The following CYP39A1 variants were observed in gnomAD, a reference collection of about 807,000 sequenced individuals.
CYP39A1 encodes 24-hydroxycholesterol 7-alpha-hydroxylase.
CYP39A1 carries 49 observed loss-of-function variants against 58.1 expected under a neutral mutation model. The ratio of observed to expected loss-of-function variants is 0.84; its 90% confidence interval spans 0.67 to 1.07. CYP39A1 has a LOEUF of 1.07. CYP39A1 is among the 50% of genes least tolerant of loss of function. The probability of loss-of-function intolerance (pLI) is 0.00; values close to 1 mark genes in which losing one functional copy is unlikely to be tolerated. For missense variants in CYP39A1, 531 were observed against 539.4 expected (o/e 0.98, Z 0.16); for synonymous variants, 209 against 187.6 (o/e 1.11, Z -0.93).
intron 4 of CYP39A1, among the ~76,000 whole-genome samples, chr6:46,637,370 A>C (rs552801361): frequency 6.6e-6 from 1 of 152,370 alleles, no homozygotes; most frequent in South Asian, 2.1e-4. Flanking sequence ...AAGAAATTTC[A>C]AAATCATGCA....
intron 5 of CYP39A1, among the ~76,000 whole-genome samples, chr6:46,632,523 G>A (rs1428614662): frequency 4.0e-5 from 6 of 150,996 alleles, no homozygotes; most frequent in Admixed American, 6.6e-5. Flanking sequence ...AGGTAAAATC[G>A]TGTCACAGGA....
At chr6:46,622,449 C>A (rs747947194) in intron 7 of CYP39A1, among the ~76,000 whole-genome samples, 2 of 151,742 alleles carry the variant, frequency 1.3e-5, no homozygotes, top group Non-Finnish European at 2.9e-5. Context: ...GCCCCAATGT[C>A]CCATTAAAAA....
At chr6:46,637,337 G>A (rs968012132) in intron 4 of CYP39A1, among the ~76,000 whole-genome samples, 4 of 152,196 alleles carry the variant, frequency 2.6e-5, no homozygotes, top group Admixed American at 6.5e-5. Context: ...AACCCATATG[G>A]AGAAAGACAT....
intron 6 of CYP39A1, among the ~76,000 whole-genome samples, chr6:46,629,159 A>G (rs1271115091): frequency 6.6e-6 from 1 of 152,154 alleles, no homozygotes; most frequent in Non-Finnish European, 1.5e-5. Context: ...AGCCAGTGAG[A>G]TGGAATATTC....
rs894255567 is a variant in CYP39A1, at chr6:46,583,638, A to G, written c.1250+3439T>C. On this transcript the variant is annotated intron_variant, in intron 10 of 11. Coordinates refer to ENST00000275016, the MANE Select transcript of CYP39A1 (RefSeq NM_016593.5). Reference sequence around the variant, plus strand: ...AGACTTCTCCAGTAGTAGAATTACTAGAAAGATTTTCTTCCATGTGCTACA... The same window carrying G: ...AGACTTCTCCAGTAGTAGAATTACTGGAAAGATTTTCTTCCATGTGCTACA... 1.5e-5 allele frequency: 15 copies of G among 973,550 alleles called. No homozygotes were observed. In the African/African-American group the frequency reaches 2.5e-4, roughly 16 times the overall value. The allele number at this position is 973,550 out of a possible 1,614,324, so 60.3% of individuals were successfully genotyped here.
At chr6:46,651,937 T>A (rs150645164) in intron 1 of CYP39A1, among the ~76,000 whole-genome samples, 2 of 152,304 alleles carry the variant, frequency 1.3e-5, no homozygotes, top group Non-Finnish European at 2.9e-5. Flanking sequence ...GAGTACATCA[T>A]CATCAAATAA....
At chr6:46,587,190 TC>T in intron 9 of CYP39A1, 25 bp from the exon 10 acceptor site, 1 of 1,456,364 alleles carries the variant, frequency 6.9e-7, no homozygotes, top group Non-Finnish European at 9.6e-7. Context: ...CATTTTTTTT[TC>T]CAAATCAGCC....
intron 7 of CYP39A1, among the ~76,000 whole-genome samples, chr6:46,602,520 C>T (rs1462220887): frequency 9.9e-5 from 15 of 151,804 alleles, no homozygotes; most frequent in African/African-American, 2.7e-4. Flanking sequence ...ACTCTAAGAA[C>T]CACAGTGCTG....
chr6:46,628,642 A>T (rs16874881), intron 6 of CYP39A1, among the ~76,000 whole-genome samples: 11,943 of 152,174 alleles, frequency 0.078, 1,528 homozygotes, highest in African/African-American at 0.27. Context: ...GGCAGAGTAC[A>T]AAGTAGGAGA....
intron 5 of CYP39A1, among the ~76,000 whole-genome samples, chr6:46,636,145 G>C (rs1775972536): frequency 6.6e-6 from 1 of 152,124 alleles, no homozygotes; most frequent in Admixed American, 6.5e-5. Flanking sequence ...AATCAATACG[G>C]AACATCGGAA....
chr6:46,593,402 C>T (rs771399509), intron 8 of CYP39A1, among the ~76,000 whole-genome samples: 6 of 151,950 alleles, frequency 3.9e-5, no homozygotes, highest in Non-Finnish European at 5.9e-5. Context: ...GTTAAAAGAC[C>T]GTGGAAGAGC....
intron 10 of CYP39A1, among the ~76,000 whole-genome samples, chr6:46,585,845 A>G (rs1248294474): frequency 2.0e-5 from 3 of 152,116 alleles, no homozygotes. Context: ...AGACTGCACC[A>G]TCATACAGCT....
At chr6:46,606,867 A>C (rs1310857667) in intron 7 of CYP39A1, among the ~76,000 whole-genome samples, 2 of 152,232 alleles carry the variant, frequency 1.3e-5, no homozygotes, top group African/African-American at 4.8e-5. Flanking sequence ...CACTCAATGT[A>C]AATTTGCTCC....
At chr6:46,616,166 T>C (rs1213519032) in intron 7 of CYP39A1, among the ~76,000 whole-genome samples, 3 of 44,476 alleles carry the variant, frequency 6.7e-5, no homozygotes, top group African/African-American at 2.9e-4. Flanking sequence ...CTTTCTTTTT[T>C]CTTTCTTTCT....
chr6:46,550,975 G>A (rs189046046), intron 11 of CYP39A1, among the ~76,000 whole-genome samples: 12 of 152,144 alleles, frequency 7.9e-5, no homozygotes, highest in East Asian at 3.9e-4. Flanking sequence ...TTTTTCGCCC[G>A]AGTTAGAAAT....
At chr6:46,644,092 T>C (rs1320898150) in intron 1 of CYP39A1, among the ~76,000 whole-genome samples, 3 of 152,172 alleles carry the variant, frequency 2.0e-5, no homozygotes, top group African/African-American at 7.2e-5. Context: ...ACCACAAAGA[T>C]CTTAAATGAT....
intron 6 of CYP39A1, among the ~76,000 whole-genome samples, chr6:46,629,046 G>A (rs1036094990): frequency 6.6e-6 from 1 of 152,100 alleles, no homozygotes; most frequent in Admixed American, 6.6e-5. Context: ...TAAACAATTG[G>A]CCCACTGTTA....
chr6:46,596,836 A>G (rs1468998159), intron 7 of CYP39A1, among the ~76,000 whole-genome samples: 1 of 152,178 alleles, frequency 6.6e-6, no homozygotes, highest in Non-Finnish European at 1.5e-5. Context: ...TTAGTTAACA[A>G]TATTTCAAGT....
At chr6:46,613,052 T>C (rs1013898731) in intron 7 of CYP39A1, among the ~76,000 whole-genome samples, 4 of 152,188 alleles carry the variant, frequency 2.6e-5, no homozygotes, top group African/African-American at 9.6e-5. Context: ...CAAGAATAAA[T>C]ACAGATGCTT....
Sources: gnomAD v4.1 joint callset for allele counts (sites outside exome capture counted in the v4.1 genomes callset) on GRCh38, gnomAD v4.1.1 for gene constraint, MANE v1.5 for transcripts, NCBI Gene and HGNC (gene_info 2026-07-23, HGNC 2026-07-21) for gene names.